The following TNRC6B variants were observed in gnomAD, a reference collection of about 807,000 sequenced individuals.
The protein encoded by TNRC6B is trinucleotide repeat containing adaptor 6B.
TNRC6B carries 52 observed loss-of-function variants against 203.6 expected under a neutral mutation model. The observed-to-expected ratio is 0.26, with a 90% confidence interval of 0.20 to 0.32. The LOEUF is 0.32. Among genes scored for constraint, TNRC6B ranks in the 10% least tolerant of loss-of-function variants. The pLI, the probability that TNRC6B is intolerant of heterozygous loss-of-function variation, is 1.00. For synonymous variants in TNRC6B, 838 were observed against 845.7 expected (o/e 0.99, Z 0.16); for missense variants, 1,923 against 2,286.2 (o/e 0.84, Z 3.24).
chr22:40,099,506 C>T (rs755581303), intron 1 of TNRC6B, among the ~76,000 whole-genome samples: 46 of 152,196 alleles, frequency 3.0e-4, no homozygotes, highest in Admixed American at 1.6e-3. Context: ...TCCATGACTC[C>T]AATCAATCAT....
chr22:40,130,576 TC>T (rs1361089789), intron 3 of TNRC6B, among the ~76,000 whole-genome samples: 1 of 151,084 alleles, frequency 6.6e-6, no homozygotes, highest in Non-Finnish European at 1.5e-5. Flanking sequence ...GGTCAGGAGA[TC>T]CAGACTATCC....
intron 1 of TNRC6B, among the ~76,000 whole-genome samples, chr22:40,116,086 C>T (rs2068384894): frequency 6.6e-6 from 1 of 152,228 alleles, no homozygotes; most frequent in South Asian, 2.1e-4. Flanking sequence ...TTCCCTGCAG[C>T]ACCATCTCAG....
At chr22:40,130,973 G>C (rs1048622088) in intron 3 of TNRC6B, among the ~76,000 whole-genome samples, 11 of 149,214 alleles carry the variant, frequency 7.4e-5, no homozygotes, top group Non-Finnish European at 1.0e-4. Flanking sequence ...GCGATCTCGG[G>C]TCACTGCAAG....
At chr22:40,089,631 C>G (rs893633220) in intron 1 of TNRC6B, among the ~76,000 whole-genome samples, 3 of 152,102 alleles carry the variant, frequency 2.0e-5, no homozygotes, top group Non-Finnish European at 4.4e-5. Flanking sequence ...CCCTGCCAGC[C>G]TCCCGCAGTG....
chr22:40,182,757 G>T (rs1183269073), intron 1 of TNRC6B, among the ~76,000 whole-genome samples: 2 of 152,168 alleles, frequency 1.3e-5, no homozygotes, highest in African/African-American at 4.8e-5. Flanking sequence ...GGAATGAGTG[G>T]TAATTTTTTG....
At position 40,262,104 on chromosome 22, in the gene TNRC6B, C is replaced by A; in HGVS notation, c.388C>A (p.Pro130Thr). The change falls in exon 4 of 23, where the codon CCT becomes ACT. Residue 130 changes from proline to threonine, a missense_variant. This residue lies in a region of TNRC6B where 614 missense variants were observed against 587.7 expected (regional missense o/e 1.04). Transcript: ENST00000454349. ...GGAGPPPCTA[P>T]GANPNNAQVT... ...GGCAGGGCCTCCTCCCTGCACAGCACCTGGAGCAAACCCAAACAACGCACA... is the reference window on the plus strand; with the variant it reads ...GGCAGGGCCTCCTCCCTGCACAGCAACTGGAGCAAACCCAAACAACGCACA... 6.5e-7 allele frequency: 1 copy of A among 1,528,582 alleles called. No individual in the cohort carries two copies. The highest frequency in any genetic ancestry group is 1.2e-5 in the South Asian group (1 of 81,336). 94.7% of individuals were successfully genotyped at this position (1,528,582 alleles called of 1,614,324 possible). A position where few individuals can be genotyped will look rare whatever the true frequency, so the allele number is the denominator to read the frequency against.
intron 1 of TNRC6B, among the ~76,000 whole-genome samples, chr22:40,111,192 G>A (rs992491342): frequency 2.0e-5 from 3 of 152,206 alleles, no homozygotes; most frequent in Non-Finnish European, 4.4e-5. Context: ...AGGCAGTCCA[G>A]GTGCAAACAG....
rs1328677607 is a variant in TNRC6B at position 40,178,050 on chromosome 22, A to G, written c.-86A>G. 1.3e-6 allele frequency: 2 copies of G among 1,589,402 alleles called. No individual in the cohort carries two copies. The highest frequency in any genetic ancestry group is 8.5e-7 in the Non-Finnish European group (1 of 1,172,844). The stretch of plus-strand genomic sequence containing the variant: ...TAAAATACAAAAAAACAGATAGACA[A>G]AAAGAATTCATTTTTTGGACCTTTT... On this transcript the variant is annotated 5_prime_UTR_variant, in exon 1 of 23. Coordinates refer to ENST00000454349, the MANE Select transcript of TNRC6B (RefSeq NM_001162501.2).
chr22:40,294,214 C>A (rs1057408981), intron 12 of TNRC6B, among the ~76,000 whole-genome samples: 1 of 152,078 alleles, frequency 6.6e-6, no homozygotes, highest in African/African-American at 2.4e-5. Context: ...GATCGTGCCA[C>A]TGCACTCCAG....
chr22:40,059,571 G>A (rs2067830179), intron 1 of TNRC6B, among the ~76,000 whole-genome samples: 1 of 151,942 alleles, frequency 6.6e-6, no homozygotes, highest in Admixed American at 6.6e-5. Context: ...CACTAACTGT[G>A]GTATGATCTG....
upstream of TNRC6B, among the ~76,000 whole-genome samples, chr22:40,174,056 C>T (rs1461132810): frequency 6.6e-6 from 1 of 151,560 alleles, no homozygotes; most frequent in East Asian, 1.9e-4. Flanking sequence ...GGCTCAGTCT[C>T]CCAGAGTGCT....
intron 9 of TNRC6B, 96 bp downstream of exon 9, chr22:40,278,140 A>G (rs2146518910): frequency 2.1e-6 from 2 of 934,512 alleles, no homozygotes; most frequent in Non-Finnish European, 3.4e-6. Flanking sequence ...GGTGCAGTTC[A>G]GTAGACATTG....
intron 1 of TNRC6B, among the ~76,000 whole-genome samples, chr22:40,206,900 G>A (rs964184420): frequency 4.6e-5 from 7 of 152,146 alleles, no homozygotes; most frequent in Non-Finnish European, 1.0e-4. Flanking sequence ...TCTTAGGGCC[G>A]CCGTAACAAA....
intron 3 of TNRC6B, among the ~76,000 whole-genome samples, chr22:40,256,178 G>A (rs768208210): frequency 1.3e-5 from 2 of 152,138 alleles, no homozygotes; most frequent in African/African-American, 4.8e-5. Flanking sequence ...CAGCTGGTTC[G>A]GTGATAAGTT....
At chr22:40,292,545 A>T (rs763119587) in intron 12 of TNRC6B, among the ~76,000 whole-genome samples, 1 of 152,252 alleles carries the variant, frequency 6.6e-6, no homozygotes. Flanking sequence ...GTTAAATGCC[A>T]TATCGATTGC....
intron 6 of TNRC6B, 30 bp from the exon 7 acceptor site, chr22:40,273,395 G>T (rs1281839889): frequency 1.3e-6 from 2 of 1,552,002 alleles, no homozygotes; most frequent in Admixed American, 2.0e-5. Context: ...TATAGCTGTT[G>T]CAAAGAGTTA....
At chr22:40,268,331 C>G (rs1289920409) in intron 5 of TNRC6B, among the ~76,000 whole-genome samples, 2 of 152,162 alleles carry the variant, frequency 1.3e-5, no homozygotes, top group Admixed American at 1.3e-4. Context: ...GGTGATCCAC[C>G]CGCCTCAGTC....
intron 5 of TNRC6B, among the ~76,000 whole-genome samples, chr22:40,268,161 C>G (rs5750926): frequency 6.6e-6 from 1 of 152,146 alleles, no homozygotes; most frequent in East Asian, 1.9e-4. Context: ...GATCTCGGCT[C>G]GCTATAACCT....
chr22:40,296,326 A>ATTTTTTTT (rs951987835), intron 12 of TNRC6B, among the ~76,000 whole-genome samples: 2 of 125,460 alleles, frequency 1.6e-5, no homozygotes. Flanking sequence ...AGAATGGTGA[A>ATTTTTTTT]TTTTTTTTTT....
Sources: allele counts gnomAD v4.1 joint callset (sites outside exome capture counted in the v4.1 genomes callset), GRCh38; gene constraint gnomAD v4.1.1; regional missense constraint gnomAD v4.1.1; transcripts MANE v1.5; gene names NCBI Gene and HGNC (gene_info 2026-07-23, HGNC 2026-07-21).